Variants in UBE2L3 observed in about 807,000 individuals in gnomAD.
The protein encoded by UBE2L3 is ubiquitin-conjugating enzyme E2 L3.
In UBE2L3, 1 loss-of-function variant was observed where a neutral mutation model predicts 17.8. The observed-to-expected ratio is 0.06, with a 90% confidence interval of 0.02 to 0.27. The LOEUF is 0.27. UBE2L3 is among the 10% of genes least tolerant of loss of function. The probability of loss-of-function intolerance (pLI) is 1.00; values close to 1 mark genes in which losing one functional copy is unlikely to be tolerated. For missense variants in UBE2L3, 40 were observed against 192.6 expected (o/e 0.21, Z 4.69); for synonymous variants, 44 against 68.5 (o/e 0.64, Z 1.76).
At chr22:21,583,443 G>T (rs1927754458) in intron 1 of UBE2L3, among the ~76,000 whole-genome samples, 1 of 152,188 alleles carries the variant, frequency 6.6e-6, no homozygotes, top group Non-Finnish European at 1.5e-5. Flanking sequence ...TGACACAGTG[G>T]TATGGAATAT....
At position 21,569,453 on chromosome 22, in the gene UBE2L3, G is replaced by A. The variant is rs148736993; in HGVS notation, c.27+1682G>A. Among the ~76,000 whole-genome samples, 28 of 150,050 alleles carry A rather than the reference G, an allele frequency of 1.9e-4. No individual in the cohort carries two copies. In the East Asian group the frequency reaches 5.5e-3, roughly 29 times the overall value. On this transcript the variant is annotated intron_variant, in intron 1 of 3. Transcript: ENST00000342192. Reference sequence around the variant, plus strand: ...GCATGCCTTGCTTTCTAATGTTACTGAAATTACTCTGAATCTATATCCTCA... The same window carrying A: ...GCATGCCTTGCTTTCTAATGTTACTAAAATTACTCTGAATCTATATCCTCA...
intron 1 of UBE2L3, among the ~76,000 whole-genome samples, chr22:21,582,127 A>G (rs555447093): frequency 6.6e-6 from 1 of 150,886 alleles, no homozygotes; most frequent in Non-Finnish European, 1.5e-5. Flanking sequence ...CTCAAAAAAA[A>G]AAACAAAAAA....
At chr22:21,557,378 AAAACG>A (rs1446188675) in intron 1 of UBE2L3, among the ~76,000 whole-genome samples, 2 of 152,256 alleles carry the variant, frequency 1.3e-5, no homozygotes, top group Non-Finnish European at 2.9e-5. Context: ...AACAACCAAA[AAAACG>A]AAAAACCCAA....
chr22:21,572,439 AAAG>A (rs1927029523), intron 1 of UBE2L3, among the ~76,000 whole-genome samples: 1 of 151,046 alleles, frequency 6.6e-6, no homozygotes, highest in Non-Finnish European at 1.5e-5. Context: ...AAAAAAAAAA[AAAG>A]AAAACCCTGA....
At chr22:21,568,301 A>AGTTT in intron 1 of UBE2L3, 2 of 985,708 alleles carry the variant, frequency 2.0e-6, no homozygotes, top group Non-Finnish European at 2.4e-6. Context: ...AAGTTAGGTC[A>AGTTT]GTTTGTTGGT....
intron 1 of UBE2L3, among the ~76,000 whole-genome samples, chr22:21,590,848 C>T (rs934187502): frequency 2.6e-5 from 4 of 152,116 alleles, no homozygotes; most frequent in African/African-American, 7.2e-5. Context: ...TTTTTCCTCC[C>T]AAAGCCCCAG....
intron 2 of UBE2L3, among the ~76,000 whole-genome samples, chr22:21,605,876 T>C (rs931780286): frequency 1.3e-5 from 2 of 152,024 alleles, no homozygotes; most frequent in Non-Finnish European, 2.9e-5. Context: ...TGATCATGGC[T>C]CACTGCAGCC....
intron 1 of UBE2L3, among the ~76,000 whole-genome samples, chr22:21,582,476 C>G (rs1927697927): frequency 6.6e-6 from 1 of 151,766 alleles, no homozygotes; most frequent in Non-Finnish European, 1.5e-5. Flanking sequence ...ACCTCAGCCT[C>G]CCAAGTAGCT....
intron 1 of UBE2L3, among the ~76,000 whole-genome samples, chr22:21,575,832 C>CG (rs1349290818): frequency 6.6e-6 from 1 of 150,864 alleles, no homozygotes; most frequent in African/African-American, 2.4e-5. Flanking sequence ...TTAGTAGAGA[C>CG]GGGGTTTCTC....
chr22:21,589,083 T>A (rs970164629), intron 1 of UBE2L3, among the ~76,000 whole-genome samples: 4 of 152,004 alleles, frequency 2.6e-5, no homozygotes, highest in Non-Finnish European at 4.4e-5. Flanking sequence ...TGTGAACCAC[T>A]GCGCCTGGCC....
At chr22:21,620,160 A>G (rs1929976956) in intron 3 of UBE2L3, among the ~76,000 whole-genome samples, 1 of 151,890 alleles carries the variant, frequency 6.6e-6, no homozygotes, top group African/African-American at 2.4e-5. Flanking sequence ...AGTGGCTAAC[A>G]CCCGTAATCC....
intron 1 of UBE2L3, among the ~76,000 whole-genome samples, chr22:21,558,500 G>A (rs1255332267): frequency 2.2e-4 from 34 of 152,214 alleles, no homozygotes; most frequent in East Asian, 5.8e-4. Flanking sequence ...GTGTGGTGGC[G>A]GGCGCCTGTA....
At chr22:21,607,352 C>CAA (rs796650803) in intron 2 of UBE2L3, among the ~76,000 whole-genome samples, 7 of 137,854 alleles carry the variant, frequency 5.1e-5, no homozygotes, top group African/African-American at 1.6e-4. Context: ...ACTAAAAATA[C>CAA]AAAAAAAAAA....
At chr22:21,575,911 C>T (rs1439372095) in intron 1 of UBE2L3, among the ~76,000 whole-genome samples, 1 of 151,954 alleles carries the variant, frequency 6.6e-6, no homozygotes, top group Non-Finnish European at 1.5e-5. Flanking sequence ...CAAAGGATTA[C>T]AGGCGTGAGC....
intron 3 of UBE2L3, among the ~76,000 whole-genome samples, chr22:21,615,850 T>C (rs1568988889): frequency 6.6e-6 from 1 of 152,244 alleles, no homozygotes; most frequent in Non-Finnish European, 1.5e-5. Flanking sequence ...AGCTCTCAAC[T>C]GAAGCAAGTG....
chr22:21,597,674 CTG>C (rs1031213581), intron 2 of UBE2L3, among the ~76,000 whole-genome samples: 29 of 150,960 alleles, frequency 1.9e-4, no homozygotes, highest in Admixed American at 5.3e-4. Flanking sequence ...TTTTAAGACA[CTG>C]TTGCCAAATC....
rs1930015439 is a variant in UBE2L3, at chr22:21,620,952, TGA to T, written c.311-559_311-558del. Among the ~76,000 whole-genome samples the T allele has an allele frequency of 2.0e-5, 3 of 152,234 alleles. No individual in the cohort carries two copies. The South Asian group carries it at 6.2e-4, about 32-fold the overall frequency. On this transcript the variant is annotated intron_variant, in intron 3 of 3. Transcript: ENST00000342192. ...AAGAAAGTGACCCTGTGTGCATGCA[TGA>T]GAGTGAGCAGTCAGTTCAATACTAG...
At chr22:21,568,538 G>C (rs117420574) in intron 1 of UBE2L3, among the ~76,000 whole-genome samples, 1,825 of 152,228 alleles carry the variant, frequency 0.012, 19 homozygotes, top group Middle Eastern at 0.045. Context: ...ACGGGCCAAA[G>C]TTTATAATAA....
chr22:21,587,041 A>G (rs539411903), intron 1 of UBE2L3, among the ~76,000 whole-genome samples: 1 of 150,482 alleles, frequency 6.6e-6, no homozygotes, highest in Admixed American at 6.6e-5. Context: ...ATGCACCCCT[A>G]TGCCTGGCTA....
Sources: gnomAD v4.1 joint callset for allele counts (sites outside exome capture counted in the v4.1 genomes callset) on GRCh38, gnomAD v4.1.1 for gene constraint, MANE v1.5 for transcripts, NCBI Gene and HGNC (gene_info 2026-07-23, HGNC 2026-07-21) for gene names.